CDK14: variants seen among roughly 807,000 people sequenced by gnomAD.
CDK14 encodes cyclin-dependent kinase 14.
CDK14 carries 34 observed loss-of-function variants against 60.7 expected under a neutral mutation model. The observed-to-expected ratio is 0.56, with a 90% CI of 0.43 to 0.75. The LOEUF (loss-of-function observed/expected upper bound fraction) is 0.75, where lower values mean the gene tolerates loss of function less well. Ranked by LOEUF, CDK14 falls within the 30% of genes least tolerant of loss-of-function variation. The probability of loss-of-function intolerance (pLI) is 0.00; values close to 1 mark genes in which losing one functional copy is unlikely to be tolerated. For synonymous variants in CDK14, 197 were observed against 203.7 expected (o/e 0.97, Z 0.28); for missense variants, 482 against 564.1 (o/e 0.85, Z 1.47).
At chr7:90,986,403 A>AACCT (rs1203762432) in intron 10 of CDK14, among the ~76,000 whole-genome samples, 2 of 151,994 alleles carry the variant, frequency 1.3e-5, no homozygotes, top group African/African-American at 2.4e-5. Context: ...CCTTCATTTA[A>AACCT]ACTCATGAAA....
intron 11 of CDK14, among the ~76,000 whole-genome samples, chr7:91,047,544 T>C (rs1797274230): frequency 2.0e-5 from 3 of 152,218 alleles, no homozygotes; most frequent in Admixed American, 2.0e-4. Context: ...TCGTATTGAA[T>C]GTTAAAACAG....
intron 6 of CDK14, among the ~76,000 whole-genome samples, chr7:90,874,023 C>G (rs1791466140): frequency 6.6e-6 from 1 of 152,162 alleles, no homozygotes; most frequent in Admixed American, 6.6e-5. Flanking sequence ...CTCTGTTTCT[C>G]TGGAATTAAT....
intron 10 of CDK14, among the ~76,000 whole-genome samples, chr7:91,032,247 T>C (rs1796783344): frequency 6.6e-6 from 1 of 152,222 alleles, no homozygotes; most frequent in Non-Finnish European, 1.5e-5. Flanking sequence ...TTCCTGTAAC[T>C]AGACATATTT....
intron 5 of CDK14, among the ~76,000 whole-genome samples, chr7:90,825,437 G>A (rs1280316060): frequency 6.6e-6 from 1 of 152,190 alleles, no homozygotes; most frequent in Non-Finnish European, 1.5e-5. Flanking sequence ...AAATGCCCAT[G>A]AAAGTCAGTA....
In CDK14 at chr7:90,750,186, ACACACACACACACAC is replaced by A. The variant is rs1176672670; in HGVS notation, c.464+2414_464+2428del. 8.5e-4 allele frequency among the ~76,000 whole-genome samples: 129 copies of A among 151,542 alleles called. 2 individuals carry two copies. Among genetic ancestry groups the A allele is most frequent in the African/African-American group, 2.8e-3 (114 of 41,316 alleles). ...CACACACACACACACACACACACAC[ACACACACACACACAC>A]CAATAATATTACAGAGAAAGAAAAA... On this transcript the variant is annotated intron_variant, in intron 4 of 14. Coordinates refer to ENST00000380050, the MANE Select transcript of CDK14 (RefSeq NM_001287135.2).
chr7:90,995,295 A>G lies in CDK14; in HGVS notation c.1041+11054A>G, dbSNP rs543157420. Among the ~76,000 whole-genome samples the G allele has an allele frequency of 4.6e-5, 7 of 152,304 alleles. No individual in the cohort carries two copies. The South Asian group carries it at 1.5e-3, about 32-fold the overall frequency. On this transcript the variant is annotated intron_variant, in intron 10 of 14. Coordinates refer to ENST00000380050, the MANE Select transcript of CDK14 (RefSeq NM_001287135.2). Reference sequence around the variant, plus strand: ...GAACTGATGTTTCCAGCCAACAGCCAGTGTAAACCTGAGGCTTGACCTAAG... The same window carrying G: ...GAACTGATGTTTCCAGCCAACAGCCGGTGTAAACCTGAGGCTTGACCTAAG...
chr7:91,147,137 C>CTCTG (rs753695193), intron 14 of CDK14, among the ~76,000 whole-genome samples: 4,768 of 80,748 alleles, frequency 0.059, 220 homozygotes, highest in East Asian at 0.43. Context: ...TAGCACCTCT[C>CTCTG]TCTGTCTCTC....
At chr7:90,813,065 A>C (rs915348184) in intron 5 of CDK14, among the ~76,000 whole-genome samples, 2 of 152,232 alleles carry the variant, frequency 1.3e-5, no homozygotes, top group African/African-American at 4.8e-5. Flanking sequence ...GTATATTTGT[A>C]CAGCAGTAAA....
chr7:90,983,573 G>T (rs1343147338), intron 9 of CDK14, among the ~76,000 whole-genome samples: 1 of 151,878 alleles, frequency 6.6e-6, no homozygotes, highest in South Asian at 2.1e-4. Flanking sequence ...CCAGCTACTC[G>T]GGAGGCTGAG....
intron 4 of CDK14, among the ~76,000 whole-genome samples, chr7:90,778,999 TC>T (rs1805184553): frequency 6.6e-6 from 1 of 151,948 alleles, no homozygotes; most frequent in African/African-American, 2.4e-5. Context: ...ACGTCTGTAA[TC>T]CCAGCACTTT....
intron 2 of CDK14, among the ~76,000 whole-genome samples, chr7:90,691,538 A>G (rs974391850): frequency 6.6e-6 from 1 of 152,150 alleles, no homozygotes; most frequent in Admixed American, 6.6e-5. Flanking sequence ...AACACGAGCT[A>G]CATTGCACAG....
At chr7:90,781,296 A>T (rs1052220166) in intron 4 of CDK14, among the ~76,000 whole-genome samples, 1 of 152,008 alleles carries the variant, frequency 6.6e-6, no homozygotes, top group Admixed American at 6.6e-5. Flanking sequence ...GTTTGAGTTC[A>T]TTGTAGATTC....
intron 2 of CDK14, among the ~76,000 whole-genome samples, chr7:90,610,412 C>G (rs971520376): frequency 1.3e-5 from 2 of 152,176 alleles, no homozygotes; most frequent in African/African-American, 4.8e-5. Context: ...TGCCGCTGGC[C>G]TGTTTCCTGC....
chr7:90,975,612 T>A (rs982557141), intron 9 of CDK14, among the ~76,000 whole-genome samples: 1 of 152,050 alleles, frequency 6.6e-6, no homozygotes, highest in Non-Finnish European at 1.5e-5. Context: ...TCATCCTACA[T>A]TGGTATAAGA....
chr7:90,641,678 C>G (rs1466200197), intron 2 of CDK14, among the ~76,000 whole-genome samples: 2 of 75,476 alleles, frequency 2.6e-5, no homozygotes, highest in Admixed American at 2.3e-4. Flanking sequence ...AGCTGTGGCT[C>G]TCTTTGAGAT....
chr7:90,779,459 G>A (rs1402842541), intron 4 of CDK14, among the ~76,000 whole-genome samples: 4 of 152,042 alleles, frequency 2.6e-5, no homozygotes, highest in African/African-American at 9.7e-5. Context: ...TTGCTGTGTG[G>A]CCCAGGCATG....
chr7:90,872,568 A>G (rs1791403493), intron 6 of CDK14, among the ~76,000 whole-genome samples: 1 of 152,118 alleles, frequency 6.6e-6, no homozygotes, highest in South Asian at 2.1e-4. Context: ...CTTTTCCCTA[A>G]TGGCTTTTTC....
chr7:90,632,369 T>A (rs1024990539), intron 2 of CDK14: 2 of 305,682 alleles, frequency 6.5e-6, no homozygotes, highest in Admixed American at 3.8e-5. Context: ...GTGCTGTGGG[T>A]GGTAATTGCC....
intron 10 of CDK14, among the ~76,000 whole-genome samples, chr7:91,038,598 A>G (rs1014989423): frequency 6.6e-6 from 1 of 152,238 alleles, no homozygotes; most frequent in African/African-American, 2.4e-5. Context: ...TGAATCAGGA[A>G]CTAATCAGGT....
Sources: gnomAD v4.1 joint callset for allele counts (sites outside exome capture counted in the v4.1 genomes callset) on GRCh38, gnomAD v4.1.1 for gene constraint, MANE v1.5 for transcripts, NCBI Gene and HGNC (gene_info 2026-07-23, HGNC 2026-07-21) for gene names.